Variants in COG5 observed in about 807,000 individuals in gnomAD.
The protein encoded by COG5 is conserved oligomeric Golgi complex subunit 5.
A neutral mutation model predicts 110.4 loss-of-function variants in COG5; 86 were observed. That is an observed-to-expected ratio of 0.78 (90% CI 0.65 to 0.93). COG5 has a LOEUF of 0.93. Ranked by LOEUF, COG5 falls within the 40% of genes least tolerant of loss-of-function variation. The pLI is 0.00. For synonymous variants in COG5, 360 were observed against 334.6 expected (o/e 1.08, Z -0.83); for missense variants, 1,077 against 987.0 (o/e 1.09, Z -1.22).
intron 7 of COG5, among the ~76,000 whole-genome samples, chr7:107,386,505 C>T (rs565733878): frequency 2.6e-5 from 4 of 152,108 alleles, no homozygotes; most frequent in Non-Finnish European, 5.9e-5. Context: ...AAAAGCACCG[C>T]GCAGTCAGTG....
intron 11 of COG5, among the ~76,000 whole-genome samples, chr7:107,305,851 C>A (rs1017310826): frequency 1.3e-5 from 2 of 151,806 alleles, no homozygotes; most frequent in Admixed American, 1.3e-4. Context: ...CGCCTGAGAG[C>A]AAAATGGAGG....
chr7:107,218,208 A>C (rs971626715), intron 19 of COG5, among the ~76,000 whole-genome samples: 4 of 152,124 alleles, frequency 2.6e-5, no homozygotes, highest in African/African-American at 9.6e-5. Context: ...ATTGACAAAA[A>C]AATAAATGGA....
intron 6 of COG5, among the ~76,000 whole-genome samples, chr7:107,522,603 T>G (rs1800416922): frequency 6.6e-6 from 1 of 151,862 alleles, no homozygotes; most frequent in Admixed American, 6.6e-5. Context: ...AATTAAAAAT[T>G]TAAGAAAAGA....
intron 6 of COG5, among the ~76,000 whole-genome samples, chr7:107,504,247 T>G (rs1798822954): frequency 6.6e-6 from 1 of 152,206 alleles, no homozygotes; most frequent in African/African-American, 2.4e-5. Flanking sequence ...CTGCATCTAT[T>G]GAGATGATCA....
At chr7:107,317,016 G>T (rs1415646770) in intron 11 of COG5, among the ~76,000 whole-genome samples, 1 of 151,930 alleles carries the variant, frequency 6.6e-6, no homozygotes, top group Admixed American at 6.5e-5. Flanking sequence ...GTTTCTCATT[G>T]AAATTTTAAT....
intron 6 of COG5, among the ~76,000 whole-genome samples, chr7:107,522,763 T>G (rs879422027): frequency 2.6e-5 from 4 of 152,226 alleles, no homozygotes; most frequent in East Asian, 1.9e-4. Context: ...TTCACTGTTT[T>G]GCATATTGAG....
chr7:107,542,214 G>A (rs1456550843), intron 5 of COG5, among the ~76,000 whole-genome samples: 1 of 152,132 alleles, frequency 6.6e-6, no homozygotes, highest in East Asian at 1.9e-4. Context: ...AGAGCGAGAA[G>A]GAGAAAAAAA....
chr7:107,563,869 C>G lies in COG5; in HGVS notation c.28G>C (p.Val10Leu). 1 of 1,613,618 alleles carries G rather than the reference C, an allele frequency of 6.2e-7. No individual in the cohort carries two copies. Among genetic ancestry groups the G allele is most frequent in the Non-Finnish European group, 8.5e-7 (1 of 1,179,960 alleles). ...GAGCCTCGAGCTCCGAGGCCAGCTA[C>G]AGCGACGCTGCCGCCGCCACCTTCC... Reference protein sequence around the residue: MEGGGGSVAVAGLGARGSGA... With the variant: MEGGGGSVALAGLGARGSGA... The change falls in exon 1 of 22, where the codon GTA (valine) becomes CTA (leucine). Residue 10 changes from valine (V) to leucine (L), a missense_variant. Coordinates refer to ENST00000297135, the MANE Select transcript of COG5 (RefSeq NM_006348.5).
chr7:107,457,066 A>G (rs1393067027), intron 6 of COG5, among the ~76,000 whole-genome samples: 19 of 152,224 alleles, frequency 1.2e-4, no homozygotes. Flanking sequence ...CCAGCACCCA[A>G]TAACAAATTA....
intron 8 of COG5, among the ~76,000 whole-genome samples, chr7:107,364,298 G>A (rs1584732566): frequency 6.6e-6 from 1 of 152,102 alleles, no homozygotes; most frequent in African/African-American, 2.4e-5. Flanking sequence ...CAACAAAAAA[G>A]CCAGTGGTGC....
At chr7:107,285,351 C>T (rs1165109910) in intron 12 of COG5, among the ~76,000 whole-genome samples, 1 of 152,134 alleles carries the variant, frequency 6.6e-6, no homozygotes, top group Non-Finnish European at 1.5e-5. Context: ...CCTCAGAAGC[C>T]TCTTCCCACT....
At chr7:107,333,430 A>G (rs974591125) in intron 10 of COG5, among the ~76,000 whole-genome samples, 3 of 152,176 alleles carry the variant, frequency 2.0e-5, no homozygotes, top group African/African-American at 7.2e-5. Flanking sequence ...CTACAGAGCA[A>G]AATAAGAAAC....
chr7:107,529,607 A>T (rs757544460), intron 5 of COG5, among the ~76,000 whole-genome samples: 7 of 152,212 alleles, frequency 4.6e-5, no homozygotes, highest in Non-Finnish European at 1.0e-4. Context: ...ACATGTGGGC[A>T]GCCCACCCTA....
chr7:107,501,344 T>G (rs1279316262), intron 6 of COG5, among the ~76,000 whole-genome samples: 1 of 152,120 alleles, frequency 6.6e-6, no homozygotes, highest in African/African-American at 2.4e-5. Flanking sequence ...ACATTACTAG[T>G]TGGAAGTACC....
At chr7:107,415,796 GTA>G (rs1356490347) in intron 6 of COG5, among the ~76,000 whole-genome samples, 35 of 126,128 alleles carry the variant, frequency 2.8e-4, no homozygotes, top group African/African-American at 4.7e-4. Flanking sequence ...ACGTATGTAT[GTA>G]TGTGTGTATA....
intron 18 of COG5, among the ~76,000 whole-genome samples, chr7:107,235,732 C>A (rs1319578343): frequency 1.3e-5 from 2 of 152,212 alleles, no homozygotes; most frequent in East Asian, 3.9e-4. Flanking sequence ...CCTTGGTATG[C>A]TATACAAAAA....
intron 6 of COG5, among the ~76,000 whole-genome samples, chr7:107,446,533 C>A (rs577250609): frequency 2.2e-4 from 33 of 152,256 alleles, no homozygotes; most frequent in African/African-American, 7.2e-4. Flanking sequence ...ATGTGAACAA[C>A]AGAATACAGC....
At chr7:107,379,389 T>C (rs575629346) in intron 7 of COG5, among the ~76,000 whole-genome samples, 1 of 152,258 alleles carries the variant, frequency 6.6e-6, no homozygotes, top group Admixed American at 6.5e-5. Flanking sequence ...CCAGCTAGTA[T>C]CATGATGACA....
chr7:107,210,561 G>A lies in COG5; in HGVS notation c.2340C>T (p.Asp780=). ...GGAGCCTGTCCTTTTCAGATGGATG[G>A]TCATCCAGCCACTGAGAGAAGCGTG... ...SHTRFSQWLD[D]HPSEKDRLLL... Residue 780 remains aspartate, a synonymous_variant, in exon 21 of 22, where the codon GAC becomes GAT. Transcript: ENST00000297135. The A allele has an allele frequency of 6.2e-7, 1 of 1,604,258 alleles. No individual in the cohort carries two copies.
Sources: gnomAD v4.1 joint callset for allele counts (sites outside exome capture counted in the v4.1 genomes callset) on GRCh38, gnomAD v4.1.1 for gene constraint, MANE v1.5 for transcripts, NCBI Gene and HGNC (gene_info 2026-07-23, HGNC 2026-07-21) for gene names.